PCDH9: variants seen among roughly 807,000 people sequenced by gnomAD.
PCDH9 encodes the protein protocadherin-9.
In PCDH9, 24 loss-of-function variants were observed where a neutral mutation model predicts 70.6. The ratio of observed to expected loss-of-function variants is 0.34; its 90% CI spans 0.25 to 0.48. PCDH9 has a LOEUF of 0.48. PCDH9 is among the 20% of genes least tolerant of loss of function. The pLI, the probability that PCDH9 is intolerant of heterozygous loss-of-function variation, is 0.99. For synonymous variants in PCDH9, 562 were observed against 558.5 expected (o/e 1.01, Z -0.09); for missense variants, 1,281 against 1,503.6 (o/e 0.85, Z 2.45).
chr13:67,188,167 TGCTTATCATGC>T (rs2088810685), intron 2 of PCDH9, among the ~76,000 whole-genome samples: 1 of 152,176 alleles, frequency 6.6e-6, no homozygotes. Flanking sequence ...CTGTGTCATA[TGCTTATCATGC>T]GAATTTCTGT....
intron 3 of PCDH9, among the ~76,000 whole-genome samples, chr13:66,762,863 A>G (rs1270910854): frequency 1.3e-5 from 2 of 152,094 alleles, no homozygotes; most frequent in Non-Finnish European, 2.9e-5. Flanking sequence ...CAAGTCTCAG[A>G]GAAAAAAAAT....
intron 2 of PCDH9, among the ~76,000 whole-genome samples, chr13:67,125,324 G>A (rs532306321): frequency 3.3e-5 from 5 of 152,172 alleles, no homozygotes; most frequent in African/African-American, 7.2e-5. Flanking sequence ...TGTTGCCAGC[G>A]AAAACATAAT....
At chr13:67,110,390 TGTA>T in intron 2 of PCDH9, among the ~76,000 whole-genome samples, 1 of 151,616 alleles carries the variant, frequency 6.6e-6, no homozygotes, top group African/African-American at 2.4e-5. Flanking sequence ...AGCATGCGCC[TGTA>T]GTCCCAGCTA....
At chr13:67,178,300 G>A (rs2088520686) in intron 2 of PCDH9, among the ~76,000 whole-genome samples, 2 of 152,000 alleles carry the variant, frequency 1.3e-5, no homozygotes, top group African/African-American at 4.8e-5. Context: ...GTTGTACAAT[G>A]TTTGGCAAAT....
intron 3 of PCDH9, among the ~76,000 whole-genome samples, chr13:66,724,975 G>A (rs1262511259): frequency 6.6e-6 from 1 of 152,052 alleles, no homozygotes; most frequent in Non-Finnish European, 1.5e-5. Context: ...ACATAGTGCT[G>A]ATGACTCCCA....
At chr13:66,549,377 C>T (rs1425962002) in intron 4 of PCDH9, among the ~76,000 whole-genome samples, 1 of 151,674 alleles carries the variant, frequency 6.6e-6, no homozygotes, top group Non-Finnish European at 1.5e-5. Context: ...AAGTGAAATT[C>T]AGCTTTTTGC....
At chr13:66,846,554 G>C (rs1310162783) in intron 3 of PCDH9, among the ~76,000 whole-genome samples, 2 of 151,978 alleles carry the variant, frequency 1.3e-5, no homozygotes. Flanking sequence ...TGTTTGTCTT[G>C]TGAGAGTTAT....
chr13:66,581,226 A>G (rs1355547717), intron 4 of PCDH9, among the ~76,000 whole-genome samples: 1 of 152,190 alleles, frequency 6.6e-6, no homozygotes, highest in African/African-American at 2.4e-5. Context: ...AGCTTACTAC[A>G]ACAAATTTTA....
intron 2 of PCDH9, among the ~76,000 whole-genome samples, chr13:67,084,248 G>A (rs530180397): frequency 6.6e-6 from 1 of 152,256 alleles, no homozygotes; most frequent in South Asian, 2.1e-4. Context: ...CTGGCACACA[G>A]ACCTCAGATA....
At chr13:67,020,484 CT>C (rs2084653740) in intron 2 of PCDH9, among the ~76,000 whole-genome samples, 1 of 152,142 alleles carries the variant, frequency 6.6e-6, no homozygotes, top group Non-Finnish European at 1.5e-5. Context: ...GACTGAACCC[CT>C]GAAGAAGAAT....
At chr13:66,608,754 C>T (rs993344769) in intron 4 of PCDH9, among the ~76,000 whole-genome samples, 6 of 149,780 alleles carry the variant, frequency 4.0e-5, no homozygotes, top group South Asian at 2.1e-4. Flanking sequence ...CACCACAGGA[C>T]GAAAAAAAAT....
intron 4 of PCDH9, among the ~76,000 whole-genome samples, chr13:66,519,879 G>T (rs532567420): frequency 9.3e-5 from 14 of 150,184 alleles, no homozygotes; most frequent in Admixed American, 8.6e-4. Flanking sequence ...ACTGGTCGAC[G>T]GCAGTCCTAT....
chr13:67,077,503 C>T lies in PCDH9; in HGVS notation c.3036+147902G>A, dbSNP rs542387825. Among the ~76,000 whole-genome samples the T allele has an allele frequency of 1.3e-4, 20 of 152,302 alleles. 1 individual carries two copies. In the South Asian group the frequency reaches 4.1e-3, roughly 32 times the overall value. ...CCACTTTCTTTTCTTACAAATATCA[C>T]CACTTGATATTGATAATCTCACTAC... On this transcript the variant is annotated intron_variant, in intron 2 of 4. Transcript: ENST00000377865.
intron 2 of PCDH9, among the ~76,000 whole-genome samples, chr13:67,200,090 T>C (rs1348317469): frequency 6.6e-6 from 1 of 152,128 alleles, no homozygotes; most frequent in Non-Finnish European, 1.5e-5. Context: ...CCATTTTTCA[T>C]CTCTGCTCTT....
chr13:66,855,314 C>T (rs2081377817), intron 3 of PCDH9, among the ~76,000 whole-genome samples: 1 of 152,060 alleles, frequency 6.6e-6, no homozygotes, highest in Admixed American at 6.6e-5. Flanking sequence ...TCAGCTCCAA[C>T]CTTTGCCTTA....
intron 3 of PCDH9, among the ~76,000 whole-genome samples, chr13:66,822,215 TTTAA>T (rs1251297320): frequency 1.3e-5 from 2 of 152,002 alleles, no homozygotes; most frequent in Admixed American, 6.6e-5. Context: ...TCATATAAGA[TTTAA>T]TTGTTTCATG....
chr13:66,539,601 G>A (rs918992487), intron 4 of PCDH9, among the ~76,000 whole-genome samples: 2 of 152,066 alleles, frequency 1.3e-5, no homozygotes, highest in Non-Finnish European at 2.9e-5. Context: ...CTCAGCCCAA[G>A]TTACTGACCC....
chr13:66,470,278 C>T (rs1450247387), intron 4 of PCDH9, among the ~76,000 whole-genome samples: 1 of 151,972 alleles, frequency 6.6e-6, no homozygotes, highest in Non-Finnish European at 1.5e-5. Flanking sequence ...ACCCAGTGTA[C>T]CTTAACAGCC....
chr13:66,618,861 G>C (rs2077389662), intron 4 of PCDH9, among the ~76,000 whole-genome samples: 4 of 152,136 alleles, frequency 2.6e-5, no homozygotes, highest in Admixed American at 2.6e-4. Context: ...ATGGAAATGA[G>C]ATTCCATGCA....
Sources: gnomAD v4.1 joint callset for allele counts (sites outside exome capture counted in the v4.1 genomes callset) on GRCh38, gnomAD v4.1.1 for gene constraint, MANE v1.5 for transcripts, NCBI Gene and HGNC (gene_info 2026-07-23, HGNC 2026-07-21) for gene names.